NALF1: variants seen among roughly 807,000 people sequenced by gnomAD.
NALF1 encodes the protein family with sequence similarity 155 member A.
A neutral mutation model predicts 48.4 loss-of-function variants in NALF1; 3 were observed. The observed-to-expected ratio is 0.06, with a 90% CI of 0.03 to 0.16. The LOEUF (loss-of-function observed/expected upper bound fraction) is 0.16. NALF1 is among the 10% of genes least tolerant of loss of function. NALF1 has a pLI of 1.00. For synonymous variants in NALF1, 262 were observed against 245.7 expected, an observed-to-expected ratio of 1.07 and a Z score of -0.62; for missense variants, 526 against 571.5, an observed-to-expected ratio of 0.92 and a Z score of 0.81.
intron 1 of NALF1, among the ~76,000 whole-genome samples, chr13:107,699,702 C>A (rs1881776714): frequency 6.6e-6 from 1 of 151,970 alleles, no homozygotes; most frequent in African/African-American, 2.4e-5. Context: ...TAAAAGGCAT[C>A]CAAATCAGAA....
At chr13:107,669,286 T>C (rs1035668718) in intron 1 of NALF1, among the ~76,000 whole-genome samples, 4 of 152,150 alleles carry the variant, frequency 2.6e-5, no homozygotes, top group Non-Finnish European at 5.9e-5. Context: ...TATCCAGTTA[T>C]AACCAGTAAT....
At chr13:107,218,401 G>A in intron 1 of NALF1, among the ~76,000 whole-genome samples, 1 of 152,168 alleles carries the variant, frequency 6.6e-6, no homozygotes, top group East Asian at 1.9e-4. Context: ...TACCGTCAGT[G>A]GAATGCCCAC....
chr13:107,596,766 TAC>T (rs1211239563), intron 1 of NALF1, among the ~76,000 whole-genome samples: 1 of 152,160 alleles, frequency 6.6e-6, no homozygotes, highest in African/African-American at 2.4e-5. Context: ...GGAACATGTA[TAC>T]ATATATAACA....
At chr13:107,180,042 C>T (rs1566443098) in intron 2 of NALF1, among the ~76,000 whole-genome samples, 1 of 149,886 alleles carries the variant, frequency 6.7e-6, no homozygotes, top group Non-Finnish European at 1.5e-5. Flanking sequence ...CCCATTTAGC[C>T]TGATGAGATT....
At chr13:107,203,262 C>T (rs1879559951) in intron 2 of NALF1, among the ~76,000 whole-genome samples, 1 of 152,194 alleles carries the variant, frequency 6.6e-6, no homozygotes, top group Non-Finnish European at 1.5e-5. Flanking sequence ...GCTTTGACAG[C>T]CACTGTGTGG....
chr13:107,716,784 G>A (rs1217194297), intron 1 of NALF1, among the ~76,000 whole-genome samples: 1 of 152,184 alleles, frequency 6.6e-6, no homozygotes, highest in African/African-American at 2.4e-5. Flanking sequence ...TTGGTAGGAA[G>A]AGCGCTCAGA....
intron 1 of NALF1, among the ~76,000 whole-genome samples, chr13:107,285,213 T>C (rs1039900646): frequency 6.6e-6 from 1 of 152,232 alleles, no homozygotes; most frequent in East Asian, 1.9e-4. Context: ...GATTCACAGA[T>C]TCACCTGTCT....
intron 1 of NALF1, among the ~76,000 whole-genome samples, chr13:107,797,900 A>G (rs1249650198): frequency 6.6e-6 from 1 of 152,168 alleles, no homozygotes; most frequent in Non-Finnish European, 1.5e-5. Flanking sequence ...AATGGAACTA[A>G]TGAAATGCAT....
chr13:107,716,701 G>A (rs1358253808), intron 1 of NALF1, among the ~76,000 whole-genome samples: 2 of 152,186 alleles, frequency 1.3e-5, no homozygotes, highest in Non-Finnish European at 2.9e-5. Flanking sequence ...ATTACATGAA[G>A]TGTCTTTAAT....
chr13:107,517,662 A>T (rs1455276655), intron 1 of NALF1, among the ~76,000 whole-genome samples: 1 of 151,044 alleles, frequency 6.6e-6, no homozygotes, highest in East Asian at 2.0e-4. Flanking sequence ...CAAACAAACA[A>T]AAAACACTTA....
chr13:107,228,273 C>G (rs1360857421), intron 1 of NALF1, among the ~76,000 whole-genome samples: 1 of 152,094 alleles, frequency 6.6e-6, no homozygotes, highest in Non-Finnish European at 1.5e-5. Flanking sequence ...GCCAAATTGA[C>G]AGTCTAATTC....
chr13:107,254,130 C>T (rs74485661), intron 1 of NALF1, among the ~76,000 whole-genome samples: 2,740 of 151,370 alleles, frequency 0.018, 86 homozygotes, highest in African/African-American at 0.063. Context: ...TCATTGCAGG[C>T]CAATTACACA....
intron 1 of NALF1, among the ~76,000 whole-genome samples, chr13:107,782,048 C>A (rs1433217033): frequency 6.6e-6 from 1 of 152,138 alleles, no homozygotes; most frequent in Non-Finnish European, 1.5e-5. Flanking sequence ...TCCCTCCTCT[C>A]CCTCTCCCCA....
intron 1 of NALF1, among the ~76,000 whole-genome samples, chr13:107,532,798 A>G (rs1876681914): frequency 7.1e-6 from 1 of 141,272 alleles, no homozygotes; most frequent in Non-Finnish European, 1.5e-5. Flanking sequence ...CTGAAAAGTT[A>G]GCAATTTAGA....
intron 1 of NALF1, among the ~76,000 whole-genome samples, chr13:107,633,440 T>C (rs1879885242): frequency 6.6e-6 from 1 of 152,004 alleles, no homozygotes; most frequent in African/African-American, 2.4e-5. Flanking sequence ...AGTTTTTCTA[T>C]CATAATGCAC....
intron 2 of NALF1, among the ~76,000 whole-genome samples, chr13:107,183,401 T>C (rs1594058979): frequency 1.3e-5 from 2 of 152,300 alleles, no homozygotes; most frequent in South Asian, 2.1e-4. Flanking sequence ...GGCGGGAATG[T>C]AAATTAGTTC....
intron 1 of NALF1, among the ~76,000 whole-genome samples, chr13:107,749,036 C>A (rs1236924835): frequency 1.3e-5 from 2 of 151,748 alleles, no homozygotes; most frequent in East Asian, 3.9e-4. Flanking sequence ...CAGTTATGAT[C>A]CATAGAATGC....
intron 1 of NALF1, among the ~76,000 whole-genome samples, chr13:107,604,485 C>T (rs929944240): frequency 8.5e-5 from 13 of 152,062 alleles, no homozygotes; most frequent in Admixed American, 1.3e-4. Flanking sequence ...TCTTGGGAAA[C>T]GTATCTGAAC....
intron 1 of NALF1, among the ~76,000 whole-genome samples, chr13:107,510,198 G>A (rs1249143454): frequency 6.6e-6 from 1 of 152,092 alleles, no homozygotes; most frequent in Non-Finnish European, 1.5e-5. Flanking sequence ...TGATCATATT[G>A]CTATTTGAGT....
Sources: allele counts gnomAD v4.1 joint callset (sites outside exome capture counted in the v4.1 genomes callset), GRCh38; gene constraint gnomAD v4.1.1; transcripts MANE v1.5; gene names NCBI Gene and HGNC (gene_info 2026-07-23, HGNC 2026-07-21).